The following GTF2H4 variants were observed in gnomAD, a reference collection of about 807,000 sequenced individuals.
The protein encoded by GTF2H4 is BTF2 p52.
Under a neutral mutation model 62.2 loss-of-function variants are expected in GTF2H4, and 49 were observed. The observed-to-expected ratio is 0.79, with a 90% CI of 0.63 to 1.00. The LOEUF (loss-of-function observed/expected upper bound fraction) is 1.00, where lower values mean the gene tolerates loss of function less well. Among genes scored for constraint, GTF2H4 ranks in the 50% least tolerant of loss-of-function variants. The probability of loss-of-function intolerance (pLI) is 0.00; values close to 1 mark genes in which losing one functional copy is unlikely to be tolerated. For synonymous variants in GTF2H4, 189 were observed against 233.8 expected (o/e 0.81, Z 1.75); for missense variants, 479 against 587.8 (o/e 0.81, Z 1.91).
At chr6:30,908,600 C>T (rs1562434613) in intron 1 of GTF2H4, among the ~76,000 whole-genome samples, 197 bp downstream of exon 1, 1 of 151,978 alleles carries the variant, frequency 6.6e-6, no homozygotes, top group Non-Finnish European at 1.5e-5. Context: ...AGGTTACCGC[C>T]GTACTTAGCA....
chr6:30,911,509 G>C lies in GTF2H4; in HGVS notation c.741+10G>C. On this transcript the variant is annotated intron_variant, in intron 8 of 13. Transcript: ENST00000259895. This position sits in a 1 kb window ranked among gnomAD's most constrained non-coding sequence, Gnocchi z 4.3. ...CTCTACTCTGGGCAAGGTAAGCAGGGGGCTGAAAGGTATAGAGATGGGAAG... is the reference window on the plus strand; with the variant it reads ...CTCTACTCTGGGCAAGGTAAGCAGGCGGCTGAAAGGTATAGAGATGGGAAG... The C allele has an allele frequency of 6.2e-7, 1 of 1,611,430 alleles. No individual in the cohort carries two copies. Among genetic ancestry groups the C allele is most frequent in the Non-Finnish European group, 8.5e-7 (1 of 1,177,546 alleles).
Position 30,913,271 on chromosome 6 carries a change from T to C in GTF2H4, c.1138-38T>C, listed in dbSNP as rs1793884754. On this transcript the variant is annotated intron_variant, in intron 12 of 13. Coordinates refer to ENST00000259895, the MANE Select transcript of GTF2H4 (RefSeq NM_001517.5). This position sits in a 1 kb window ranked among gnomAD's most constrained non-coding sequence, Gnocchi z 4.2. Reference sequence around the variant, plus strand: ...CAGAGGGCCGGGTTGTCTGGGGCAGTATTCTGAGTCCCTACAGTCAACCCT... The same window carrying C: ...CAGAGGGCCGGGTTGTCTGGGGCAGCATTCTGAGTCCCTACAGTCAACCCT... 1 of 1,612,994 alleles carries C rather than the reference T, an allele frequency of 6.2e-7. No homozygotes were observed. Among genetic ancestry groups the C allele is most frequent in the South Asian group, 1.1e-5 (1 of 90,986 alleles).
At position 30,913,489 on chromosome 6, in the gene GTF2H4, C is replaced by A; in HGVS notation, c.1216+102C>A. 2.2e-6 allele frequency: 3 copies of A among 1,338,674 alleles called. No homozygotes were observed. Among genetic ancestry groups the A allele is most frequent in the Non-Finnish European group, 3.1e-6 (3 of 972,102 alleles). 82.9% of individuals were successfully genotyped at this position (1,338,674 alleles called of 1,614,324 possible). A position where few individuals can be genotyped will look rare whatever the true frequency, so the allele number is the denominator to read the frequency against. On this transcript the variant is annotated intron_variant, in intron 13 of 13. Coordinates refer to ENST00000259895, the MANE Select transcript of GTF2H4 (RefSeq NM_001517.5). This position sits in a 1 kb window ranked among gnomAD's most constrained non-coding sequence, Gnocchi z 4.2. Reference sequence around the variant, plus strand: ...TACTTCATGGACTAGGAGAGAAAAGCTGGCAAGACAGTTTTTTGTTGTTTT... The same window carrying A: ...TACTTCATGGACTAGGAGAGAAAAGATGGCAAGACAGTTTTTTGTTGTTTT...
Position 30,909,260 on chromosome 6 carries a change from T to A in GTF2H4, c.137+87T>A, listed in dbSNP as rs1457776676. 1 of 1,477,520 alleles carries A rather than the reference T, an allele frequency of 6.8e-7. No individual in the cohort carries two copies. Among genetic ancestry groups the A allele is most frequent in the Non-Finnish European group, 9.1e-7 (1 of 1,098,276 alleles). The allele number at this position is 1,477,520 out of a possible 1,614,324, so 91.5% of individuals were successfully genotyped here. ...TAGGTAAAAGTGTAGCAGCCTGGAG[T>A]CGGGGTGGGGACTGGGGGCAAGGGT... On this transcript the variant is annotated intron_variant, in intron 2 of 13. Coordinates refer to ENST00000259895, the MANE Select transcript of GTF2H4 (RefSeq NM_001517.5). This position sits in a 1 kb window ranked among gnomAD's most constrained non-coding sequence, Gnocchi z 4.3.
Position 30,912,280 on chromosome 6 carries a change from T to A in GTF2H4, c.959-48T>A. 6.2e-7 allele frequency: 1 copy of A among 1,608,600 alleles called. No individual in the cohort carries two copies. The highest frequency in any genetic ancestry group is 8.5e-7 in the Non-Finnish European group (1 of 1,177,398). Reference sequence around the variant, plus strand: ...CACTTGAAAGAAGGGCTTGAGGGAGTCTGGGTGTGGGGGTGGCCTCCTCAT... The same window carrying A: ...CACTTGAAAGAAGGGCTTGAGGGAGACTGGGTGTGGGGGTGGCCTCCTCAT... On this transcript the variant is annotated intron_variant, in intron 10 of 13. Transcript: ENST00000259895. This position sits in a 1 kb window ranked among gnomAD's most constrained non-coding sequence, Gnocchi z 4.8.
Position 30,910,688 on chromosome 6 carries a change from C to A in GTF2H4, c.398C>A (p.Thr133Lys). ...LGGGKAWSDD[T>K]SQLGPDKHAR... ...AGGGGGAAGGCCTGGTCTGATGACA[C>A]AAGTCAGCTGGGACCAGACAAGCAT... Residue 133 changes from threonine (T) to lysine (K), a missense_variant, in exon 5 of 14, where the codon ACA (threonine) becomes AAA (lysine). Transcript: ENST00000259895. The surrounding 1 kb of genome is among the most constrained non-coding windows in gnomAD (Gnocchi z 4.7). 6.2e-7 allele frequency: 1 copy of A among 1,613,014 alleles called. No homozygotes were observed. Among genetic ancestry groups the A allele is most frequent in the South Asian group, 1.1e-5 (1 of 91,086 alleles).
rs1340549644 is a variant in GTF2H4 at position 30,912,158 on chromosome 6, C to T, written c.958+12C>T. 1.9e-6 allele frequency: 3 copies of T among 1,612,154 alleles called. No individual in the cohort carries two copies. Among genetic ancestry groups the T allele is most frequent in the African/African-American group, 1.3e-5 (1 of 74,790 alleles). The stretch of plus-strand genomic sequence containing the variant: ...GTATGCCTACACGGGTGAGGCGGGA[C>T]AGAGGGCCCCTGGAAGAGGAGGTTG... On this transcript the variant is annotated intron_variant, in intron 10 of 13. Coordinates refer to ENST00000259895, the MANE Select transcript of GTF2H4 (RefSeq NM_001517.5). This position sits in a 1 kb window ranked among gnomAD's most constrained non-coding sequence, Gnocchi z 4.8.
In GTF2H4 at chr6:30,912,304, A is replaced by T. The variant is rs115621766; in HGVS notation, c.959-24A>T. On this transcript the variant is annotated intron_variant, in intron 10 of 13. Transcript: ENST00000259895. The surrounding 1 kb of genome is among the most constrained non-coding windows in gnomAD (Gnocchi z 4.8). ...GTCTGGGTGTGGGGGTGGCCTCCTC[A>T]TCCTCTTTCTATCCCTGGCTCAGAG... 0.012 allele frequency: 19,028 copies of T among 1,612,288 alleles called. 116 individuals are homozygous for T. Among genetic ancestry groups the T allele is most frequent in the South Asian group, 0.016 (1,485 of 91,060 alleles).
chr6:30,914,026 C>CGGGGGGGACTGGGG lies in GTF2H4; in HGVS notation c.*47_*48insGGGACTGGGGGGGG. The CGGGGGGGACTGGGG allele has an allele frequency of 1.6e-6, 1 of 608,048 alleles. No homozygotes were observed. The highest frequency in any genetic ancestry group is 1.9e-5 in the African/African-American group (1 of 51,568). The allele number at this position is 608,048 out of a possible 1,614,324, so 37.7% of individuals were successfully genotyped here. A position where few individuals can be genotyped will look rare whatever the true frequency, so the allele number is the denominator to read the frequency against. ...ACGGACCTCGGCGGGCGGGACTGGG[C>CGGGGGGGACTGGGG]GGGGCGGGGCATCAGAACTCAGGTG... On this transcript the variant is annotated 3_prime_UTR_variant, in exon 14 of 14. Transcript: ENST00000259895.
rs752463371 is a variant in GTF2H4, at chr6:30,913,329, C to T, written c.1158C>T (p.Thr386=). 2 of 1,613,522 alleles carry T rather than the reference C, an allele frequency of 1.2e-6. No individual in the cohort carries two copies. The highest frequency in any genetic ancestry group is 1.1e-5 in the South Asian group (1 of 91,076). ...TGCAGACACCTGTGCTGCCCCCCAC[C>T]ATCACCGACCAGATCCGGCTCTGGG... ...MLKQTPVLPP[T]ITDQIRLWEL... The change falls in exon 13 of 14, where the codon ACC becomes ACT. Residue 386 remains threonine (T), a synonymous_variant. Coordinates refer to ENST00000259895, the MANE Select transcript of GTF2H4 (RefSeq NM_001517.5). This position sits in a 1 kb window ranked among gnomAD's most constrained non-coding sequence, Gnocchi z 4.2.
In GTF2H4 at chr6:30,911,691, CTG is replaced by C. The variant is rs1793768420; in HGVS notation, c.752_753del (p.Val251GlyfsTer5). 3.1e-6 allele frequency: 5 copies of C among 1,612,548 alleles called. No individual in the cohort carries two copies. Among genetic ancestry groups the C allele is most frequent in the Non-Finnish European group, 2.5e-6 (3 of 1,179,588 alleles). The stretch of plus-strand genomic sequence containing the variant: ...GAAACCTCTGTTCCTCAGGATTACT[CTG>C]TGGAAGGTATGAGTGATTCTCTGTT... On this transcript the variant is annotated frameshift_variant, in exon 9 of 14. Transcript: ENST00000259895. LOFTEE classifies it high-confidence loss of function. The surrounding 1 kb of genome is among the most constrained non-coding windows in gnomAD (Gnocchi z 4.3).
chr6:30,912,590 G>T lies in GTF2H4; in HGVS notation c.1089+132G>T. 1 of 1,163,500 alleles carries T rather than the reference G, an allele frequency of 8.6e-7. No individual in the cohort carries two copies. The allele number at this position is 1,163,500 out of a possible 1,614,324, so 72.1% of individuals were successfully genotyped here. ...GTGGTGAGTTGTCTGTGTTTGAAGA[G>T]AAATGAAGGCTTTGGGTGTGAGAAT... On this transcript the variant is annotated intron_variant, in intron 11 of 13. Transcript: ENST00000259895. This position sits in a 1 kb window ranked among gnomAD's most constrained non-coding sequence, Gnocchi z 4.8.
At position 30,913,257 on chromosome 6, in the gene GTF2H4, G is replaced by C; in HGVS notation, c.1138-52G>C. ...ATCTGGGGAAGAAACAGAGGGCCGG[G>C]TTGTCTGGGGCAGTATTCTGAGTCC... On this transcript the variant is annotated intron_variant, in intron 12 of 13. Coordinates refer to ENST00000259895, the MANE Select transcript of GTF2H4 (RefSeq NM_001517.5). The surrounding 1 kb of genome is among the most constrained non-coding windows in gnomAD (Gnocchi z 4.2). 1 of 1,612,474 alleles carries C rather than the reference G, an allele frequency of 6.2e-7. No individual in the cohort carries two copies.
At position 30,913,827 on chromosome 6, in the gene GTF2H4, G is replaced by C. The variant is rs1186174032; in HGVS notation, c.1233G>C (p.Gln411His). Residue 411 changes from glutamine (Q) to histidine (H), a missense_variant, in exon 14 of 14, where the codon CAG becomes CAC. By Grantham distance (24) the Gln-to-His change is conservative. Coordinates refer to ENST00000259895, the MANE Select transcript of GTF2H4 (RefSeq NM_001517.5). This position sits in a 1 kb window ranked among gnomAD's most constrained non-coding sequence, Gnocchi z 4.2. ...CGACCCCAGGTGTCCTGTATAACCA[G>C]TTCCTGTCGCAAGTGGACTTTGAGC... ...LRFTEGVLYN[Q>H]FLSQVDFELL... 6.3e-7 allele frequency: 1 copy of C among 1,597,280 alleles called. No individual in the cohort carries two copies. The highest frequency in any genetic ancestry group is 2.3e-5 in the East Asian group (1 of 43,848).
Position 30,912,545 on chromosome 6 carries a change from T to G in GTF2H4, c.1089+87T>G. The G allele has an allele frequency of 1.3e-6, 2 of 1,528,460 alleles. No homozygotes were observed. The highest frequency in any genetic ancestry group is 1.8e-6 in the Non-Finnish European group (2 of 1,117,896). The allele number at this position is 1,528,460 out of a possible 1,614,324, so 94.7% of individuals were successfully genotyped here. A position where few individuals can be genotyped will look rare whatever the true frequency, so the allele number is the denominator to read the frequency against. On this transcript the variant is annotated intron_variant, in intron 11 of 13. Coordinates refer to ENST00000259895, the MANE Select transcript of GTF2H4 (RefSeq NM_001517.5). This position sits in a 1 kb window ranked among gnomAD's most constrained non-coding sequence, Gnocchi z 4.8. Reference sequence around the variant, plus strand: ...GGGTCACATTATGGAAGGCTAGCTCTGAGTCTGTTATAATAGGTGGTGGTG... The same window carrying G: ...GGGTCACATTATGGAAGGCTAGCTCGGAGTCTGTTATAATAGGTGGTGGTG...
At position 30,912,890 on chromosome 6, in the gene GTF2H4, C is replaced by T. The variant is rs565920144; in HGVS notation, c.1090-220C>T. ...TGCTGCTATTTTAAAGAAAGAAAAACAAAACATTACTGGAAAGGGCGAATG... is the reference window on the plus strand; with the variant it reads ...TGCTGCTATTTTAAAGAAAGAAAAATAAAACATTACTGGAAAGGGCGAATG... On this transcript the variant is annotated intron_variant, in intron 11 of 13. Coordinates refer to ENST00000259895, the MANE Select transcript of GTF2H4 (RefSeq NM_001517.5). The surrounding 1 kb of genome is among the most constrained non-coding windows in gnomAD (Gnocchi z 4.8). 2.0e-5 allele frequency among the ~76,000 whole-genome samples: 3 copies of T among 152,156 alleles called. No individual in the cohort carries two copies. In the South Asian group the frequency reaches 6.2e-4, roughly 32 times the overall value.
Position 30,913,935 on chromosome 6 carries a change from G to A in GTF2H4, c.1341G>A (p.Gly447=). The A allele has an allele frequency of 1.2e-6, 2 of 1,606,880 alleles. No homozygotes were observed. Among genetic ancestry groups the A allele is most frequent in the Non-Finnish European group, 1.7e-6 (2 of 1,176,832 alleles). The part of the protein sequence containing the change: ...AKRLMVVTPA[G]HSDVKRFWKR... Reference sequence around the variant, plus strand: ...GGCTCATGGTGGTGACCCCGGCCGGGCACAGCGACGTCAAGCGCTTTTGGA... The same window carrying A: ...GGCTCATGGTGGTGACCCCGGCCGGACACAGCGACGTCAAGCGCTTTTGGA... The change falls in exon 14 of 14, where the codon GGG becomes GGA. Residue 447 remains glycine, a synonymous_variant. Transcript: ENST00000259895. The surrounding 1 kb of genome is among the most constrained non-coding windows in gnomAD (Gnocchi z 4.2).
rs185887605 is a variant in GTF2H4, at chr6:30,912,287, G to A, written c.959-41G>A. ...AAGAAGGGCTTGAGGGAGTCTGGGT[G>A]TGGGGGTGGCCTCCTCATCCTCTTT... On this transcript the variant is annotated intron_variant, in intron 10 of 13. Coordinates refer to ENST00000259895, the MANE Select transcript of GTF2H4 (RefSeq NM_001517.5). This position sits in a 1 kb window ranked among gnomAD's most constrained non-coding sequence, Gnocchi z 4.8. 22 of 1,610,770 alleles carry A rather than the reference G, an allele frequency of 1.4e-5. 1 individual carries two copies. In the South Asian group the frequency reaches 2.4e-4, roughly 18 times the overall value.
Position 30,913,037 on chromosome 6 carries a change from A to G in GTF2H4, c.1090-73A>G. On this transcript the variant is annotated intron_variant, in intron 11 of 13. Coordinates refer to ENST00000259895, the MANE Select transcript of GTF2H4 (RefSeq NM_001517.5). The surrounding 1 kb of genome is among the most constrained non-coding windows in gnomAD (Gnocchi z 4.2). ...TAGAATAAGCTGATGTTCCAGTGAC[A>G]TTAGGTGACAGCTCAGATGGCTTTC... is the stretch of plus-strand genomic sequence containing the variant. 10 of 1,440,552 alleles carry G rather than the reference A, an allele frequency of 6.9e-6. No individual in the cohort carries two copies. The highest frequency in any genetic ancestry group is 3.5e-5 in the South Asian group (3 of 86,338). The allele number at this position is 1,440,552 out of a possible 1,614,324, so 89.2% of individuals were successfully genotyped here. A position where few individuals can be genotyped will look rare whatever the true frequency, so the allele number is the denominator to read the frequency against.
Sources: allele counts gnomAD v4.1 joint callset (sites outside exome capture counted in the v4.1 genomes callset), GRCh38; gene constraint gnomAD v4.1.1; non-coding constraint Gnocchi (gnomAD v3.1); transcripts MANE v1.5; gene names NCBI Gene and HGNC (gene_info 2026-07-23, HGNC 2026-07-21).